Variants in PPP1R12C observed in about 807,000 individuals in gnomAD.
PPP1R12C encodes the protein protein phosphatase 1 regulatory subunit 12C, also known as leukocyte receptor cluster (LRC) encoded novel gene 3.
A neutral mutation model predicts 95.6 loss-of-function variants in PPP1R12C; 48 were observed. The observed-to-expected ratio is 0.50, with a 90% CI of 0.40 to 0.64. The LOEUF (loss-of-function observed/expected upper bound fraction) is 0.64, where lower values mean the gene tolerates loss of function less well. Ranked by LOEUF, PPP1R12C falls within the 30% of genes least tolerant of loss-of-function variation. The pLI is 0.00. For synonymous variants in PPP1R12C, 480 were observed against 460.8 expected, an observed-to-expected ratio of 1.04 and a Z score of -0.53; for missense variants, 1,057 against 1,083.3, an observed-to-expected ratio of 0.98 and a Z score of 0.34.
Position 55,092,614 on chromosome 19 carries a change from G to T in PPP1R12C, c.1952+8C>A. The T allele has an allele frequency of 1.0e-6, 1 of 968,316 alleles. No homozygotes were observed. The highest frequency in any genetic ancestry group is 1.5e-6 in the Non-Finnish European group (1 of 685,264). The allele number at this position is 968,316 out of a possible 1,614,324, so 60.0% of individuals were successfully genotyped here. ...ACGCAGACCCCACCTCTCCCACCCCGCCCCTACCTGGACTCCTGGCTGCGG... is the reference window on the plus strand; with the variant it reads ...ACGCAGACCCCACCTCTCCCACCCCTCCCCTACCTGGACTCCTGGCTGCGG... On this transcript the variant is annotated splice_region_variant and intron_variant, in intron 17 of 21. Coordinates refer to ENST00000263433, the MANE Select transcript of PPP1R12C (RefSeq NM_017607.4).
rs1348760830 is a variant in PPP1R12C, at chr19:55,112,789, T to C, written c.328A>G (p.Ile110Val). Residue 110 changes from isoleucine to valine, a missense_variant, in exon 2 of 22, where the codon ATT (isoleucine) becomes GTT (valine). By Grantham distance (29) the Ile-to-Val change is conservative (BLOSUM62 3). This residue lies in a region of PPP1R12C where 282 missense variants were observed against 380.4 expected (regional missense o/e 0.74). Transcript: ENST00000263433. ...CGCACCACCTCCAGGTTCTCATCAA[T>C]GCAGGCCTGGGGGTGGGAAACAGCC... The part of the protein sequence containing the change: ...DGISALHQAC[I>V]DENLEVVRFL... 6.2e-7 allele frequency: 1 copy of C among 1,611,608 alleles called. No homozygotes were observed. The highest frequency in any genetic ancestry group is 1.3e-5 in the African/African-American group (1 of 74,462).
chr19:55,091,844 A>C lies in PPP1R12C; in HGVS notation c.2211+15T>G, dbSNP rs766987178. On this transcript the variant is annotated intron_variant, in intron 20 of 21. Coordinates refer to ENST00000263433, the MANE Select transcript of PPP1R12C (RefSeq NM_017607.4). ...GGGGACGCCTCTGGCCCCCATCCCC[A>C]CTGCCCCTACTCACGAATCTCTCCA... The C allele has an allele frequency of 6.2e-7, 1 of 1,613,322 alleles. No individual in the cohort carries two copies. The highest frequency in any genetic ancestry group is 8.5e-7 in the Non-Finnish European group (1 of 1,179,932).
Position 55,103,404 on chromosome 19 carries a change from C to CTCACCTCA in PPP1R12C, c.728_731+4dup. The CTCACCTCA allele has an allele frequency of 6.7e-7, 1 of 1,491,528 alleles. No homozygotes were observed. The highest frequency in any genetic ancestry group is 2.2e-5 in the Admixed American group (1 of 46,226). The allele number at this position is 1,491,528 out of a possible 1,614,324, so 92.4% of individuals were successfully genotyped here. On this transcript the variant is annotated splice_donor_region_variant and intron_variant, in intron 4 of 21. Coordinates refer to ENST00000263433, the MANE Select transcript of PPP1R12C (RefSeq NM_017607.4). ...AGCAAGATGGAACAGACTGGCCCAACTCACCTCATCACCTCAATGTAGCCC... is the reference window on the plus strand; with the variant it reads ...AGCAAGATGGAACAGACTGGCCCAACTCACCTCATCACCTCATCACCTCAATGTAGCCC...
At chr19:55,117,059 G>A (rs1413370060) in intron 1 of PPP1R12C, among the ~76,000 whole-genome samples, 164 bp downstream of exon 1, 1 of 152,122 alleles carries the variant, frequency 6.6e-6, no homozygotes, top group Non-Finnish European at 1.5e-5. Flanking sequence ...TGGTCGAAGG[G>A]GAATGGTAAG....
intron 1 of PPP1R12C, among the ~76,000 whole-genome samples, chr19:55,116,858 A>G (rs374146820): frequency 1.3e-5 from 2 of 152,128 alleles, no homozygotes; most frequent in East Asian, 3.9e-4. Context: ...GGAAGAGGGG[A>G]AGTCGAGGGA....
rs745904678 is a variant in PPP1R12C, at chr19:55,096,355, C to A, written c.952-20G>T. On this transcript the variant is annotated intron_variant, in intron 6 of 21. Coordinates refer to ENST00000263433, the MANE Select transcript of PPP1R12C (RefSeq NM_017607.4). ...CCGAAGCTGCAAGGAGGGAAGGGGG[C>A]TGCAGGGGAGGGGTGGAGCACACGT... The A allele has an allele frequency of 1.4e-4, 229 of 1,612,362 alleles. No individual in the cohort carries two copies. Among genetic ancestry groups the A allele is most frequent in the Non-Finnish European group, 1.9e-4 (219 of 1,179,320 alleles).
intron 4 of PPP1R12C, among the ~76,000 whole-genome samples, chr19:55,100,690 G>A (rs1210342801): frequency 9.9e-5 from 15 of 152,228 alleles, no homozygotes; most frequent in Admixed American, 9.8e-4. Context: ...TCCACTGACT[G>A]CAACCTCTGC....
intron 4 of PPP1R12C, 136 bp from the exon 5 acceptor site, chr19:55,099,231 T>C: frequency 1.9e-6 from 2 of 1,036,356 alleles, no homozygotes; most frequent in Non-Finnish European, 1.3e-6. Context: ...AAAGAGCCAC[T>C]GCCCAGCATC....
chr19:55,107,399 A>G (rs2085049804), intron 3 of PPP1R12C, among the ~76,000 whole-genome samples: 1 of 152,110 alleles, frequency 6.6e-6, no homozygotes, highest in Non-Finnish European at 1.5e-5. Context: ...GGGCAACAAG[A>G]GTGAAACTCC....
At chr19:55,102,878 G>C (rs538992956) in intron 4 of PPP1R12C, among the ~76,000 whole-genome samples, 20 of 152,352 alleles carry the variant, frequency 1.3e-4, no homozygotes, top group African/African-American at 4.6e-4. Flanking sequence ...CAGGAAAATA[G>C]TAACAAAATG....
chr19:55,116,431 G>C (rs1197524649), intron 1 of PPP1R12C, among the ~76,000 whole-genome samples: 1 of 152,136 alleles, frequency 6.6e-6, no homozygotes, highest in Non-Finnish European at 1.5e-5. Flanking sequence ...GAGAGCAAGG[G>C]GAAGAGGGAG....
chr19:55,112,220 CAGG>C (rs2085103911), intron 3 of PPP1R12C: 1 of 148,220 alleles, frequency 6.7e-6, no homozygotes, highest in Non-Finnish European at 1.4e-5. Context: ...CTCAGTTACT[CAGG>C]GGGATTGACA....
intron 4 of PPP1R12C, among the ~76,000 whole-genome samples, chr19:55,101,270 T>G (rs2084976397): frequency 6.6e-6 from 1 of 152,030 alleles, no homozygotes; most frequent in African/African-American, 2.4e-5. Context: ...AAATAAAAAA[T>G]GCAGTCAGTA....
chr19:55,102,905 T>C (rs2084993890), intron 4 of PPP1R12C, among the ~76,000 whole-genome samples: 1 of 152,230 alleles, frequency 6.6e-6, no homozygotes, highest in African/African-American at 2.4e-5. Context: ...AGAAGTCCTA[T>C]ATATTTTGAA....
chr19:55,117,553 C>G lies in PPP1R12C; in HGVS notation c.-10G>C, dbSNP rs1238884027. 6.0e-6 allele frequency: 6 copies of G among 997,270 alleles called. No homozygotes were observed. The highest frequency in any genetic ancestry group is 1.8e-5 in the African/African-American group (1 of 56,918). 61.8% of individuals were successfully genotyped at this position (997,270 alleles called of 1,614,324 possible). A position where few individuals can be genotyped will look rare whatever the true frequency, so the allele number is the denominator to read the frequency against. ...CATCCTCTCCGGACATCGCACCGCC[C>G]GCCCGCCCAGCGAGCGAGCGAGCGC... On this transcript the variant is annotated 5_prime_UTR_variant, in exon 1 of 22. Coordinates refer to ENST00000263433, the MANE Select transcript of PPP1R12C (RefSeq NM_017607.4).
In PPP1R12C at chr19:55,096,102, C is replaced by T. The variant is rs1205036644; in HGVS notation, c.1102G>A (p.Ala368Thr). The part of the protein sequence containing the change: ...DLSKERRPGG[A>T]GGPPIQDEDE... ...TCGTCCTGGATGGGGGGCCCCCCAG[C>T]CCCACCAGGCCGGCGCTCCTTGGAC... The change falls in exon 8 of 22, where the codon GCT becomes ACT. Residue 368 changes from alanine to threonine, a missense_variant. By Grantham distance (58) the Ala-to-Thr change is moderately conservative. Transcript: ENST00000263433. 1 of 1,599,502 alleles carries T rather than the reference C, an allele frequency of 6.3e-7. No individual in the cohort carries two copies. Among genetic ancestry groups the T allele is most frequent in the East Asian group, 2.2e-5 (1 of 44,822 alleles).
At chr19:55,112,626 C>A in intron 2 of PPP1R12C, 39 bp downstream of exon 2, 1 of 1,612,462 alleles carries the variant, frequency 6.2e-7, no homozygotes, top group Non-Finnish European at 8.5e-7. Context: ...TCCAGGCCCC[C>A]ACCCCGACCA....
At position 55,112,589 on chromosome 19, in the gene PPP1R12C, G is replaced by C; in HGVS notation, c.453-4C>G. The C allele has an allele frequency of 6.2e-7, 1 of 1,613,208 alleles. No individual in the cohort carries two copies. Among genetic ancestry groups the C allele is most frequent in the Non-Finnish European group, 8.5e-7 (1 of 1,179,608 alleles). ...GGCCCCGTGGCTCAGGAGGTACCTG[G>C]GGGTGGGGGCTGGTCAGGGCTGAGG... On this transcript the variant is annotated splice_polypyrimidine_tract_variant and splice_region_variant and intron_variant, in intron 2 of 21. Coordinates refer to ENST00000263433, the MANE Select transcript of PPP1R12C (RefSeq NM_017607.4).
At chr19:55,096,218 G>C in intron 7 of PPP1R12C, 40 bp from the exon 8 acceptor site, 1 of 1,613,226 alleles carries the variant, frequency 6.2e-7, no homozygotes, top group East Asian at 2.2e-5. Flanking sequence ...CAAGCCCGGG[G>C]CCTCCAGCCA....
Sources: gnomAD v4.1 joint callset for allele counts (sites outside exome capture counted in the v4.1 genomes callset) on GRCh38, gnomAD v4.1.1 for gene constraint, gnomAD v4.1.1 regional missense constraint, MANE v1.5 for transcripts, NCBI Gene and HGNC (gene_info 2026-07-23, HGNC 2026-07-21) for gene names.